The following MCM5 variants were observed in gnomAD, a reference collection of about 807,000 sequenced individuals.
MCM5 encodes the protein DNA replication licensing factor MCM5.
A neutral mutation model predicts 79.9 loss-of-function variants in MCM5; 46 were observed. The ratio of observed to expected loss-of-function variants is 0.58; its 90% CI spans 0.45 to 0.74. The LOEUF (loss-of-function observed/expected upper bound fraction) is 0.74. MCM5 is among the 30% of genes least tolerant of loss of function. MCM5 has a pLI of 0.00. For missense variants in MCM5, 883 were observed against 1,017.0 expected (o/e 0.87, Z 1.79); for synonymous variants, 404 against 390.5 (o/e 1.03, Z -0.41).
intron 2 of MCM5, among the ~76,000 whole-genome samples, chr22:35,401,067 G>A (rs1306935289): frequency 2.0e-5 from 3 of 152,164 alleles, no homozygotes; most frequent in African/African-American, 7.2e-5. Flanking sequence ...TGATCCACCC[G>A]CCTCAGTCTC....
chr22:35,446,832 T>C, the MCM5 span, among the ~76,000 whole-genome samples: 1 of 54,632 alleles, frequency 1.8e-5, no homozygotes, highest in African/African-American at 1.1e-4. Context: ...GAGTCTTTTC[T>C]GAATGGGGGG....
the MCM5 span, among the ~76,000 whole-genome samples, chr22:35,454,965 C>G: frequency 6.6e-6 from 1 of 151,724 alleles, no homozygotes; most frequent in East Asian, 1.9e-4. Flanking sequence ...TGGCCCTGGT[C>G]GAGAACTACT....
the MCM5 span, among the ~76,000 whole-genome samples, chr22:35,452,893 G>A: frequency 3.3e-5 from 5 of 152,088 alleles, no homozygotes; most frequent in Non-Finnish European, 7.4e-5. Flanking sequence ...TCTCACCAGC[G>A]GCTTCCTTCA....
chr22:35,440,901 A>AG, the MCM5 span, among the ~76,000 whole-genome samples: 1 of 152,096 alleles, frequency 6.6e-6, no homozygotes, highest in African/African-American at 2.4e-5. Flanking sequence ...TTACTAAAAA[A>AG]ACAAAATTAG....
chr22:35,403,391 C>T, intron 3 of MCM5, 23 bp from the exon 4 acceptor site: 1 of 1,614,170 alleles, frequency 6.2e-7, no homozygotes, highest in Non-Finnish European at 8.5e-7. Flanking sequence ...TTACTAATAG[C>T]CTGTGCCCTT....
At chr22:35,402,964 T>C (rs1932104712) in intron 2 of MCM5, among the ~76,000 whole-genome samples, 1 of 152,236 alleles carries the variant, frequency 6.6e-6, no homozygotes. Context: ...AAACATCCTT[T>C]GACTGTCTTG....
intron 7 of MCM5, chr22:35,411,124 A>G (rs979410052): frequency 3.6e-5 from 17 of 467,156 alleles, no homozygotes; most frequent in African/African-American, 3.3e-4. Flanking sequence ...GCCTAAGTGC[A>G]GGATTAAGGC....
At chr22:35,410,070 C>T (rs1218225129) in intron 6 of MCM5, 2 of 154,050 alleles carry the variant, frequency 1.3e-5, no homozygotes, top group African/African-American at 4.8e-5. Flanking sequence ...TAAAGCACTT[C>T]TATGTCTGCT....
chr22:35,401,153 C>T (rs1276705401), intron 2 of MCM5, among the ~76,000 whole-genome samples: 1 of 152,206 alleles, frequency 6.6e-6, no homozygotes, highest in Non-Finnish European at 1.5e-5. Flanking sequence ...CTGGAGTTAA[C>T]TTCTGGGTGA....
At chr22:35,416,269 T>C in intron 10 of MCM5, 70 bp from the exon 11 acceptor site, 1 of 1,470,982 alleles carries the variant, frequency 6.8e-7, no homozygotes. Context: ...GCTGTTAGTT[T>C]TCCTGTTTCT....
chr22:35,414,401 C>T (rs952954006), intron 9 of MCM5, among the ~76,000 whole-genome samples: 5 of 152,248 alleles, frequency 3.3e-5, no homozygotes, highest in Non-Finnish European at 2.9e-5. Flanking sequence ...GGGCGGATTG[C>T]TTGAGCTCAG....
chr22:35,419,978 A>G lies in MCM5; in HGVS notation c.1798A>G (p.Ser600Gly), dbSNP rs1932653472. 8 of 1,612,256 alleles carry G rather than the reference A, an allele frequency of 5.0e-6. No homozygotes were observed. The highest frequency in any genetic ancestry group is 6.8e-6 in the Non-Finnish European group (8 of 1,179,190). Residue 600 changes from serine (S) to glycine (G), a missense_variant, in exon 14 of 17, where the codon AGT (serine) becomes GGT (glycine). By Grantham distance (56) the Ser-to-Gly change is moderately conservative. Coordinates refer to ENST00000216122, the MANE Select transcript of MCM5 (RefSeq NM_006739.4). ...RSGARQHERD[S>G]DRRSSIPITV... ...CGGGGCCCGTCAGCACGAGAGGGAC[A>G]GTGACCGCCGCTCCAGCATCCCCAT... is the stretch of plus-strand genomic sequence containing the variant.
intron 15 of MCM5, chr22:35,423,000 C>G: frequency 2.4e-6 from 1 of 411,036 alleles, no homozygotes; most frequent in Non-Finnish European, 4.3e-6. Flanking sequence ...GTGTTCCTGC[C>G]TCTGTGACTT....
chr22:35,417,575 C>T (rs1450313222), intron 12 of MCM5, among the ~76,000 whole-genome samples, 169 bp from the exon 13 acceptor site: 1 of 152,206 alleles, frequency 6.6e-6, no homozygotes, highest in East Asian at 1.9e-4. Flanking sequence ...CCCATCAGAA[C>T]GAGGGCCTGG....
chr22:35,445,670 T>C, the MCM5 span, among the ~76,000 whole-genome samples: 1 of 152,018 alleles, frequency 6.6e-6, no homozygotes, highest in Non-Finnish European at 1.5e-5. Context: ...CCACCATGCC[T>C]GGCTAATTTT....
chr22:35,415,422 T>G (rs1457144451), intron 9 of MCM5, among the ~76,000 whole-genome samples: 1 of 152,128 alleles, frequency 6.6e-6, no homozygotes, highest in Non-Finnish European at 1.5e-5. Flanking sequence ...GTATGTGGCG[T>G]GTAGGTCTAT....
chr22:35,419,815 T>G, intron 13 of MCM5, 69 bp from the exon 14 acceptor site: 1 of 1,503,410 alleles, frequency 6.7e-7, no homozygotes, highest in African/African-American at 1.4e-5. Flanking sequence ...GGCAGGGGGC[T>G]GGGGGAAAGG....
intron 13 of MCM5, 102 bp from the exon 14 acceptor site, chr22:35,419,782 G>A: frequency 8.0e-7 from 1 of 1,250,586 alleles, no homozygotes; most frequent in East Asian, 2.7e-5. Context: ...GTGGTGTGGT[G>A]GGAAAGTGCA....
the MCM5 span, among the ~76,000 whole-genome samples, chr22:35,454,261 C>G: frequency 6.6e-6 from 1 of 152,108 alleles, no homozygotes. Context: ...ACGTTGTCTC[C>G]AGGACAGGGT....
Sources: gnomAD v4.1 joint callset for allele counts (sites outside exome capture counted in the v4.1 genomes callset) on GRCh38, gnomAD v4.1.1 for gene constraint, MANE v1.5 for transcripts, NCBI Gene and HGNC (gene_info 2026-07-23, HGNC 2026-07-21) for gene names.